The following SASH1 variants were observed in gnomAD, a reference collection of about 807,000 sequenced individuals.
SASH1 encodes SAM and SH3 domain-containing protein 1.
In SASH1, 44 loss-of-function variants were observed where a neutral mutation model predicts 125.2. The ratio of observed to expected loss-of-function variants is 0.35; its 90% CI spans 0.28 to 0.45. The LOEUF (loss-of-function observed/expected upper bound fraction) is 0.45. Ranked by LOEUF, SASH1 falls within the 20% of genes least tolerant of loss-of-function variation. The probability of loss-of-function intolerance (pLI) is 1.00; values close to 1 mark genes in which losing one functional copy is unlikely to be tolerated. For synonymous variants in SASH1, 639 were observed against 649.1 expected (o/e 0.98, Z 0.24); for missense variants, 1,426 against 1,614.5 (o/e 0.88, Z 2.00).
At chr6:148,446,188 A>G (rs1776777537) in intron 4 of SASH1, among the ~76,000 whole-genome samples, 1 of 135,504 alleles carries the variant, frequency 7.4e-6, no homozygotes, top group African/African-American at 2.8e-5. Flanking sequence ...GGCTCACTGC[A>G]AGCTCCGCCT....
intron 1 of SASH1, among the ~76,000 whole-genome samples, chr6:148,289,333 C>T (rs1779564276): frequency 1.3e-5 from 2 of 152,182 alleles, no homozygotes; most frequent in African/African-American, 4.8e-5. Flanking sequence ...CACTTGGTGC[C>T]AACACCCCAC....
intron 8 of SASH1, among the ~76,000 whole-genome samples, chr6:148,510,112 T>A (rs1583276936): frequency 6.6e-6 from 1 of 152,360 alleles, no homozygotes; most frequent in East Asian, 1.9e-4. Flanking sequence ...TGATGTAATG[T>A]TGCTATGGAA....
chr6:148,512,114 G>A (rs1325980269), intron 8 of SASH1, among the ~76,000 whole-genome samples: 2 of 152,192 alleles, frequency 1.3e-5, no homozygotes, highest in East Asian at 1.9e-4. Flanking sequence ...CGCCTCCTGG[G>A]TTCACGCCAT....
At chr6:148,198,597 CCA>C in the SASH1 span, among the ~76,000 whole-genome samples, 1 of 152,182 alleles carries the variant, frequency 6.6e-6, no homozygotes, top group Non-Finnish European at 1.5e-5. Context: ...AAGCAAGCCA[CCA>C]CAACTGGAAC....
chr6:148,334,212 C>A (rs1781080834), intron 1 of SASH1, among the ~76,000 whole-genome samples: 1 of 138,268 alleles, frequency 7.2e-6, no homozygotes, highest in Admixed American at 7.2e-5. Flanking sequence ...ATCACGAGGT[C>A]AGGAGATCGA....
the SASH1 span, among the ~76,000 whole-genome samples, chr6:148,236,978 G>T: frequency 6.6e-6 from 1 of 152,160 alleles, no homozygotes; most frequent in Non-Finnish European, 1.5e-5. Context: ...CTTCCACCAT[G>T]CTATGACAGT....
At chr6:148,384,738 C>T (rs762446744) in intron 1 of SASH1, among the ~76,000 whole-genome samples, 1 of 152,096 alleles carries the variant, frequency 6.6e-6, no homozygotes, top group African/African-American at 2.4e-5. Flanking sequence ...TTAAAAACTG[C>T]TTTATTGAGG....
At chr6:148,520,184 C>T (rs1780726989) in intron 10 of SASH1, 1 of 364,110 alleles carries the variant, frequency 2.7e-6, no homozygotes, top group East Asian at 5.6e-5. Context: ...ATATCACCTA[C>T]GTGGTGGAGC....
chr6:148,406,610 CA>C (rs1475022437), intron 2 of SASH1, among the ~76,000 whole-genome samples: 1 of 152,152 alleles, frequency 6.6e-6, no homozygotes, highest in East Asian at 1.9e-4. Context: ...GGTCTGGCCC[CA>C]AGAGACAGGT....
upstream of SASH1, among the ~76,000 whole-genome samples, chr6:148,337,939 T>A (rs1781209299): frequency 6.6e-6 from 1 of 150,622 alleles, no homozygotes; most frequent in Non-Finnish European, 1.5e-5. Flanking sequence ...ATCTTCTACG[T>A]CACTTTCCTT....
At chr6:148,270,094 A>T (rs1182373567), upstream of SASH1, among the ~76,000 whole-genome samples, 2 of 152,230 alleles carry the variant, frequency 1.3e-5, no homozygotes, top group Non-Finnish European at 2.9e-5. Flanking sequence ...ACGGGGCAGA[A>T]TTTCTCTTTT....
In SASH1 at chr6:148,549,814, C is replaced by CT. The variant is rs910721539; in HGVS notation, c.*1268dup. 0.048 allele frequency: 14,313 copies of CT among 301,288 alleles called. 1 individual carries two copies. The highest frequency in any genetic ancestry group is 0.08 in the Middle Eastern group (93 of 1,162). 18.7% of individuals were successfully genotyped at this position (301,288 alleles called of 1,614,324 possible). ...ACAACTGATTTCAGCACATTCTATC[C>CT]TTTTTTTTTTTTGAAATGGAGTTTC... On this transcript the variant is annotated 3_prime_UTR_variant, in exon 20 of 20. Coordinates refer to ENST00000367467, the MANE Select transcript of SASH1 (RefSeq NM_015278.5).
At chr6:148,399,365 G>A (rs369745294) in intron 2 of SASH1, among the ~76,000 whole-genome samples, 87 of 151,764 alleles carry the variant, frequency 5.7e-4, no homozygotes, top group African/African-American at 2.0e-3. Context: ...AGTTGGGATT[G>A]CAGGTGCCCG....
the SASH1 span, among the ~76,000 whole-genome samples, chr6:148,255,171 G>T: frequency 6.6e-6 from 1 of 152,180 alleles, no homozygotes. Flanking sequence ...AAATACCACA[G>T]TCTGGGTGGC....
the SASH1 span, among the ~76,000 whole-genome samples, chr6:148,199,534 T>C: frequency 6.6e-6 from 1 of 152,068 alleles, no homozygotes; most frequent in African/African-American, 2.4e-5. Flanking sequence ...CCCATCTCTA[T>C]AAAAAGTTTA....
At chr6:148,353,122 G>A (rs191582795) in intron 1 of SASH1, among the ~76,000 whole-genome samples, 251 of 152,108 alleles carry the variant, frequency 1.7e-3, no homozygotes, top group African/African-American at 5.8e-3. Flanking sequence ...AGGCTGGAGT[G>A]CAGTGGTGTA....
intron 1 of SASH1, 106 bp from the exon 2 acceptor site, chr6:148,390,028 A>T (rs1783633775): frequency 1.5e-6 from 2 of 1,333,926 alleles, no homozygotes; most frequent in African/African-American, 2.9e-5. Context: ...TTCCCACTTA[A>T]ATACCAACCT....
intron 7 of SASH1, among the ~76,000 whole-genome samples, chr6:148,476,355 C>T (rs548452086): frequency 6.6e-6 from 1 of 151,486 alleles, no homozygotes; most frequent in African/African-American, 2.4e-5. Context: ...CTATGCTACC[C>T]AAAGCAATCT....
At chr6:148,423,256 T>C (rs1775656136) in intron 2 of SASH1, among the ~76,000 whole-genome samples, 1 of 152,238 alleles carries the variant, frequency 6.6e-6, no homozygotes, top group Admixed American at 6.5e-5. Flanking sequence ...TTTTAATGTG[T>C]TACATCATTA....
Sources: gnomAD v4.1 joint callset for allele counts (sites outside exome capture counted in the v4.1 genomes callset) on GRCh38, gnomAD v4.1.1 for gene constraint, MANE v1.5 for transcripts, NCBI Gene and HGNC (gene_info 2026-07-23, HGNC 2026-07-21) for gene names.